Variants in PRKCB observed in about 807,000 individuals in gnomAD.
The protein encoded by PRKCB is protein kinase C beta.
A neutral mutation model predicts 81.5 loss-of-function variants in PRKCB; 13 were observed. That is an observed-to-expected ratio of 0.16 (90% confidence interval 0.10 to 0.25). The LOEUF is 0.25. Among genes scored for constraint, PRKCB ranks in the 10% least tolerant of loss-of-function variants. The pLI, the probability that PRKCB is intolerant of heterozygous loss-of-function variation, is 1.00. For missense variants in PRKCB, 509 were observed against 875.7 expected (o/e 0.58, Z 5.29); for synonymous variants, 335 against 321.4 (o/e 1.04, Z -0.45).
chr16:23,882,049 C>G (rs1260975860), intron 2 of PRKCB, among the ~76,000 whole-genome samples: 1 of 73,180 alleles, frequency 1.4e-5, no homozygotes, highest in Non-Finnish European at 2.9e-5. Context: ...TTCCTTCCTT[C>G]CTTCCTTCTT....
intron 5 of PRKCB, among the ~76,000 whole-genome samples, chr16:24,041,857 G>A (rs1475356747): frequency 6.6e-6 from 1 of 151,958 alleles, no homozygotes; most frequent in Non-Finnish European, 1.5e-5. Flanking sequence ...GGTGGTGGAT[G>A]CCTGTAATCC....
rs906037241 is a variant in PRKCB, at chr16:24,216,909, T to C, written c.*2093T>C. 3 of 985,260 alleles carry C rather than the reference T, an allele frequency of 3.0e-6. No homozygotes were observed. Among genetic ancestry groups the C allele is most frequent in the Non-Finnish European group, 3.6e-6 (3 of 829,930 alleles). The allele number at this position is 985,260 out of a possible 1,614,324, so 61.0% of individuals were successfully genotyped here. ...AAAGTGCAGGGTGCTTTCTGCTCTGTAGCAAGGCAGCAGACATCTCTGAGC... is the reference window on the plus strand; with the variant it reads ...AAAGTGCAGGGTGCTTTCTGCTCTGCAGCAAGGCAGCAGACATCTCTGAGC... On this transcript the variant is annotated 3_prime_UTR_variant, in exon 17 of 17. Transcript: ENST00000643927.
At chr16:24,041,938 TGCATCACA>T (rs1406379766) in intron 5 of PRKCB, among the ~76,000 whole-genome samples, 1 of 147,868 alleles carries the variant, frequency 6.8e-6, no homozygotes, top group Non-Finnish European at 1.5e-5. Context: ...GAGCTGAGAT[TGCATCACA>T]GCACTCCAGC....
At chr16:23,867,533 G>C (rs1301684593) in intron 2 of PRKCB, among the ~76,000 whole-genome samples, 1 of 152,132 alleles carries the variant, frequency 6.6e-6, no homozygotes, top group East Asian at 1.9e-4. Context: ...ATATTGATTT[G>C]TAATAATTTT....
At chr16:24,164,964 A>T (rs558179407) in intron 10 of PRKCB, among the ~76,000 whole-genome samples, 13 of 152,328 alleles carry the variant, frequency 8.5e-5, no homozygotes, top group African/African-American at 2.4e-4. Context: ...CGTGAGGTCC[A>T]TTTAGTTAGC....
intron 2 of PRKCB, among the ~76,000 whole-genome samples, chr16:23,888,847 T>A (rs1963244880): frequency 6.6e-6 from 1 of 152,142 alleles, no homozygotes; most frequent in African/African-American, 2.4e-5. Flanking sequence ...CATTATGTCT[T>A]ATATAGGTCC....
At chr16:24,110,193 A>G (rs1966657273) in intron 7 of PRKCB, among the ~76,000 whole-genome samples, 1 of 133,168 alleles carries the variant, frequency 7.5e-6, no homozygotes, top group Non-Finnish European at 1.6e-5. Context: ...AGAGGGAGAG[A>G]GCGTCCCCAA....
At chr16:23,914,337 T>A (rs891909794) in intron 2 of PRKCB, among the ~76,000 whole-genome samples, 1 of 152,196 alleles carries the variant, frequency 6.6e-6, no homozygotes, top group African/African-American at 2.4e-5. Flanking sequence ...GTGGGGCCAG[T>A]ACAGCCCATC....
At chr16:24,026,494 A>G (rs1179301540) in intron 3 of PRKCB, among the ~76,000 whole-genome samples, 1 of 152,178 alleles carries the variant, frequency 6.6e-6, no homozygotes, top group African/African-American at 2.4e-5. Flanking sequence ...AAAGTGCAAA[A>G]CCAACAGAGG....
chr16:24,204,604 A>T (rs747064132), intron 16 of PRKCB, among the ~76,000 whole-genome samples: 10 of 152,048 alleles, frequency 6.6e-5, no homozygotes, highest in Non-Finnish European at 1.3e-4. Flanking sequence ...AATAGATAAG[A>T]AAAAAAATGA....
chr16:23,910,493 A>G (rs1044512544), intron 2 of PRKCB, among the ~76,000 whole-genome samples: 3 of 152,112 alleles, frequency 2.0e-5, no homozygotes, highest in Non-Finnish European at 4.4e-5. Context: ...CCCCATCCTA[A>G]CAGAAACAGA....
intron 7 of PRKCB, among the ~76,000 whole-genome samples, chr16:24,096,451 C>A (rs2141903379): frequency 6.6e-6 from 1 of 151,762 alleles, no homozygotes; most frequent in African/African-American, 2.4e-5. Context: ...ATGACTGGCT[C>A]CATGGACACT....
intron 3 of PRKCB, among the ~76,000 whole-genome samples, chr16:23,993,441 G>A (rs1964914677): frequency 6.6e-6 from 1 of 152,168 alleles, no homozygotes; most frequent in Non-Finnish European, 1.5e-5. Flanking sequence ...TAATGTAGAG[G>A]AAAGGATTCA....
intron 2 of PRKCB, among the ~76,000 whole-genome samples, chr16:23,986,169 A>AGGTGTACT (rs1303692464): frequency 6.6e-6 from 1 of 152,200 alleles, no homozygotes; most frequent in Non-Finnish European, 1.5e-5. Flanking sequence ...AGGCTGTTTG[A>AGGTGTACT]GGTGTACTTG....
chr16:24,116,845 C>T (rs1966742192), intron 8 of PRKCB, among the ~76,000 whole-genome samples: 1 of 152,164 alleles, frequency 6.6e-6, no homozygotes. Flanking sequence ...AACCAAGTCT[C>T]AGTTTTGCAA....
In PRKCB at chr16:23,836,227, G is replaced by A; in HGVS notation, c.52G>A (p.Val18Met). Residue 18 changes from valine (V) to methionine (M), a missense_variant, in exon 1 of 17, where the codon GTG (valine) becomes ATG (methionine). This residue lies in a region of PRKCB where 184 missense variants were observed against 362.9 expected (regional missense o/e 0.51). Transcript: ENST00000643927. ...GCCGAGCGAGGGCGAGGAGAGCACCGTGCGCTTCGCCCGCAAAGGCGCCCT... is the reference window on the plus strand; with the variant it reads ...GCCGAGCGAGGGCGAGGAGAGCACCATGCGCTTCGCCCGCAAAGGCGCCCT... ...PPPSEGEEST[V>M]RFARKGALRQ... The A allele has an allele frequency of 6.3e-7, 1 of 1,599,086 alleles. No individual in the cohort carries two copies. Among genetic ancestry groups the A allele is most frequent in the Non-Finnish European group, 8.5e-7 (1 of 1,173,300 alleles).
At chr16:23,908,073 G>C (rs1438432134) in intron 2 of PRKCB, among the ~76,000 whole-genome samples, 1 of 152,158 alleles carries the variant, frequency 6.6e-6, no homozygotes, top group Non-Finnish European at 1.5e-5. Context: ...CTAGACGAGG[G>C]AGGTGTGGGA....
intron 16 of PRKCB, among the ~76,000 whole-genome samples, chr16:24,214,283 C>G (rs935510404): frequency 5.3e-5 from 8 of 152,028 alleles, no homozygotes; most frequent in African/African-American, 1.9e-4. Flanking sequence ...ATCTCAGGTG[C>G]CTTAATCCCA....
intron 16 of PRKCB, among the ~76,000 whole-genome samples, chr16:24,207,128 C>G (rs1968058666): frequency 6.6e-6 from 1 of 152,160 alleles, no homozygotes; most frequent in South Asian, 2.1e-4. Flanking sequence ...CAGGGTCTTG[C>G]TATGTTGCCC....
Sources: allele counts gnomAD v4.1 joint callset (sites outside exome capture counted in the v4.1 genomes callset), GRCh38; gene constraint gnomAD v4.1.1; regional missense constraint gnomAD v4.1.1; transcripts MANE v1.5; gene names NCBI Gene and HGNC (gene_info 2026-07-23, HGNC 2026-07-21).